The following MAGI2 variants were observed in gnomAD, a reference collection of about 807,000 sequenced individuals.
MAGI2 encodes membrane-associated guanylate kinase, WW and PDZ domain-containing protein 2.
MAGI2 carries 35 observed loss-of-function variants against 133.3 expected under a neutral mutation model. The ratio of observed to expected loss-of-function variants is 0.26; its 90% CI spans 0.20 to 0.35. The LOEUF (loss-of-function observed/expected upper bound fraction) is 0.35, where lower values mean the gene tolerates loss of function less well. Among genes scored for constraint, MAGI2 ranks in the 10% least tolerant of loss-of-function variants. The pLI, the probability that MAGI2 is intolerant of heterozygous loss-of-function variation, is 1.00. For synonymous variants in MAGI2, 729 were observed against 710.6 expected (o/e 1.03, Z -0.41); for missense variants, 1,636 against 1,863.4 (o/e 0.88, Z 2.25).
At chr7:78,143,298 G>A (rs1433576295) in intron 16 of MAGI2, among the ~76,000 whole-genome samples, 2 of 152,130 alleles carry the variant, frequency 1.3e-5, no homozygotes, top group Non-Finnish European at 2.9e-5. Context: ...AGAAAAGCCA[G>A]TTGCTTTATT....
chr7:79,153,977 A>C (rs1316437090), intron 1 of MAGI2, among the ~76,000 whole-genome samples: 2 of 152,218 alleles, frequency 1.3e-5, no homozygotes, highest in East Asian at 3.8e-4. Context: ...ACTTGGGCCA[A>C]TGGCTTCTAT....
intron 1 of MAGI2, among the ~76,000 whole-genome samples, chr7:79,351,319 T>A (rs1209999501): frequency 6.6e-6 from 1 of 152,182 alleles, no homozygotes; most frequent in East Asian, 1.9e-4. Flanking sequence ...TAAAATGCAC[T>A]TGAAGTTAAA....
intron 2 of MAGI2, among the ~76,000 whole-genome samples, chr7:78,634,268 C>G (rs1410286607): frequency 1.3e-5 from 2 of 152,188 alleles, no homozygotes; most frequent in African/African-American, 4.8e-5. Flanking sequence ...CAGCTAATGC[C>G]TATGGCCTAG....
chr7:79,275,112 C>A (rs1585400592), intron 1 of MAGI2, among the ~76,000 whole-genome samples: 1 of 152,254 alleles, frequency 6.6e-6, no homozygotes, highest in African/African-American at 2.4e-5. Flanking sequence ...AGTCACAAGT[C>A]TCTCACTTTA....
chr7:79,367,389 T>G (rs574860748), intron 1 of MAGI2, among the ~76,000 whole-genome samples: 21 of 124,768 alleles, frequency 1.7e-4, no homozygotes, highest in African/African-American at 5.3e-4. Context: ...AATAGTGAGA[T>G]AGTTTTAAAC....
chr7:78,195,046 C>T lies in MAGI2; in HGVS notation c.2097G>A (p.Glu699=). 1.2e-6 allele frequency: 2 copies of T among 1,609,206 alleles called. No homozygotes were observed. Among genetic ancestry groups the T allele is most frequent in the East Asian group, 2.2e-5 (1 of 44,676 alleles). ...KTPKPIMDRW[E]NQGSPQTSLS... ...AACTCGTTTGAGGACTGCCTTGATT[C>T]TCCCATCGGTCCATTATCTGAAAAG... Residue 699 remains glutamate (E), a synonymous_variant, in exon 12 of 22, where the codon GAG becomes GAA. Coordinates refer to ENST00000354212, the MANE Select transcript of MAGI2 (RefSeq NM_012301.4).
chr7:79,366,738 T>C (rs919057580), intron 1 of MAGI2, among the ~76,000 whole-genome samples: 1 of 152,146 alleles, frequency 6.6e-6, no homozygotes, highest in Non-Finnish European at 1.5e-5. Context: ...ATCTCAAAAA[T>C]GTTTCAATTA....
chr7:78,668,549 C>A (rs1415406542), intron 2 of MAGI2, among the ~76,000 whole-genome samples: 1 of 151,344 alleles, frequency 6.6e-6, no homozygotes, highest in Non-Finnish European at 1.5e-5. Context: ...AGTCTTTAAT[C>A]CATCTTGAAT....
chr7:78,521,405 G>A (rs1349169360), intron 4 of MAGI2, 25 bp downstream of exon 4: 6 of 1,563,454 alleles, frequency 3.8e-6, no homozygotes, highest in Non-Finnish European at 5.3e-6. Flanking sequence ...AATTTATGAA[G>A]CCATAAAAAA....
At chr7:78,070,178 T>C (rs767746289) in intron 21 of MAGI2, among the ~76,000 whole-genome samples, 4,429 of 20,824 alleles carry the variant, frequency 0.21, 146 homozygotes, top group African/African-American at 0.31. Context: ...CACACACATA[T>C]ATATATATAT....
intron 10 of MAGI2, among the ~76,000 whole-genome samples, chr7:78,229,328 G>A (rs1789720449): frequency 6.6e-6 from 1 of 152,200 alleles, no homozygotes; most frequent in African/African-American, 2.4e-5. Flanking sequence ...GAGATCCTAA[G>A]ATACATGTGG....
At chr7:79,337,640 G>T (rs139548023) in intron 1 of MAGI2, among the ~76,000 whole-genome samples, 217 of 152,014 alleles carry the variant, frequency 1.4e-3, no homozygotes, top group African/African-American at 5.0e-3. Context: ...TTTATCTTAG[G>T]TATCTATTTG....
intron 2 of MAGI2, among the ~76,000 whole-genome samples, chr7:78,913,129 G>A (rs1230549190): frequency 6.6e-6 from 1 of 151,996 alleles, no homozygotes; most frequent in Non-Finnish European, 1.5e-5. Flanking sequence ...ATTGGACTAA[G>A]CATTTTGAAT....
intron 2 of MAGI2, among the ~76,000 whole-genome samples, chr7:78,636,753 G>A (rs545027145): frequency 3.3e-5 from 5 of 152,198 alleles, no homozygotes; most frequent in South Asian, 2.1e-4. Flanking sequence ...AGTCGAGATC[G>A]TGCCACTGCA....
chr7:78,362,289 G>A (rs1487379197), intron 7 of MAGI2, among the ~76,000 whole-genome samples: 1 of 152,132 alleles, frequency 6.6e-6, no homozygotes, highest in Non-Finnish European at 1.5e-5. Flanking sequence ...GAGACAGAGC[G>A]AGACTCTGTT....
intron 9 of MAGI2, among the ~76,000 whole-genome samples, chr7:78,304,665 A>G (rs1214302533): frequency 6.6e-6 from 1 of 152,240 alleles, no homozygotes; most frequent in Non-Finnish European, 1.5e-5. Context: ...AACAATAAGC[A>G]AACAAATTAA....
intron 10 of MAGI2, among the ~76,000 whole-genome samples, chr7:78,222,530 C>T (rs943705147): frequency 3.3e-5 from 5 of 152,088 alleles, no homozygotes; most frequent in Non-Finnish European, 7.4e-5. Context: ...AGTAACTTAC[C>T]CCCAGTCACA....
intron 10 of MAGI2, among the ~76,000 whole-genome samples, chr7:78,236,476 G>A (rs1251452821): frequency 6.6e-5 from 10 of 152,092 alleles, no homozygotes; most frequent in Non-Finnish European, 1.5e-4. Context: ...CGCCAAGCTC[G>A]AGGAAAAAAC....
At chr7:78,461,226 G>C (rs1023803446) in intron 6 of MAGI2, among the ~76,000 whole-genome samples, 2 of 151,870 alleles carry the variant, frequency 1.3e-5, no homozygotes, top group East Asian at 3.9e-4. Flanking sequence ...ACCTGTGCTA[G>C]GTCAATAAAA....
Sources: allele counts gnomAD v4.1 joint callset (sites outside exome capture counted in the v4.1 genomes callset), GRCh38; gene constraint gnomAD v4.1.1; transcripts MANE v1.5; gene names NCBI Gene and HGNC (gene_info 2026-07-23, HGNC 2026-07-21).